Variants in CDK12 observed in about 807,000 individuals in gnomAD.
CDK12 encodes the protein cyclin dependent kinase 12.
Under a neutral mutation model 133.8 loss-of-function variants are expected in CDK12, and 17 were observed. The ratio of observed to expected loss-of-function variants is 0.13; its 90% CI spans 0.09 to 0.19. The LOEUF (loss-of-function observed/expected upper bound fraction) is 0.19. Among genes scored for constraint, CDK12 ranks in the 10% least tolerant of loss-of-function variants. The pLI, the probability that CDK12 is intolerant of heterozygous loss-of-function variation, is 1.00. For synonymous variants in CDK12, 694 were observed against 683.6 expected (o/e 1.02, Z -0.24); for missense variants, 1,508 against 1,818.7 (o/e 0.83, Z 3.11).
intron 13 of CDK12, among the ~76,000 whole-genome samples, chr17:39,528,499 A>AT (rs1236842686): frequency 6.7e-6 from 1 of 149,634 alleles, no homozygotes; most frequent in Non-Finnish European, 1.5e-5. Context: ...GGCCCGGCTA[A>AT]TTTTTTTGTA....
chr17:39,515,957 T>C (rs1256043071), intron 9 of CDK12, 149 bp downstream of exon 9: 1 of 533,264 alleles, frequency 1.9e-6, no homozygotes, highest in African/African-American at 1.9e-5. Context: ...CCATATATTT[T>C]GTCATAGGCT....
chr17:39,545,496 C>CT (rs34616390), upstream of CDK12, among the ~76,000 whole-genome samples: 4,699 of 103,580 alleles, frequency 0.045, 354 homozygotes, highest in African/African-American at 0.12. Context: ...CCCCAAAAAG[C>CT]TTTTTTTTTT....
downstream of CDK12, among the ~76,000 whole-genome samples, chr17:39,566,495 C>T (rs778027416): frequency 6.6e-6 from 1 of 152,102 alleles, no homozygotes; most frequent in South Asian, 2.1e-4. Flanking sequence ...CGACACCCCA[C>T]CCTGACCCTC....
At chr17:39,486,465 C>G (rs1351125708) in intron 2 of CDK12, among the ~76,000 whole-genome samples, 2 of 151,762 alleles carry the variant, frequency 1.3e-5, no homozygotes, top group East Asian at 3.9e-4. Flanking sequence ...TAAGGTCTCA[C>G]TATGTTGCTC....
In CDK12 at chr17:39,510,494, T is replaced by G. The variant is rs1370225857; in HGVS notation, c.2666+733T>G. Among the ~76,000 whole-genome samples the G allele has an allele frequency of 2.6e-5, 4 of 152,168 alleles. No homozygotes were observed. The East Asian group carries it at 5.8e-4, about 22-fold the overall frequency. Reference sequence around the variant, plus strand: ...CAACTGTCAGAGTTCCCTAATTATCTGAAAGCGTTATCACTTACATTTTAG... The same window carrying G: ...CAACTGTCAGAGTTCCCTAATTATCGGAAAGCGTTATCACTTACATTTTAG... On this transcript the variant is annotated intron_variant, in intron 7 of 13. Transcript: ENST00000447079.
rs1359178135 is a variant in CDK12, at chr17:39,515,156, G to A, written c.2769-575G>A. Among the ~76,000 whole-genome samples, 82 of 152,176 alleles carry A rather than the reference G, an allele frequency of 5.4e-4. 2 individuals are homozygous for A. The highest frequency in any genetic ancestry group is 5.4e-3 in the Admixed American group (82 of 15,266). On this transcript the variant is annotated intron_variant, in intron 8 of 13. Transcript: ENST00000447079. ...GAACCTGGGAGGCAAAGGTTGCAGT[G>A]AGTGGAGATAGCACCACTGCACTCC... is the stretch of plus-strand genomic sequence containing the variant.
At chr17:39,475,297 A>AC (rs748341889) in intron 2 of CDK12, among the ~76,000 whole-genome samples, 234 of 151,976 alleles carry the variant, frequency 1.5e-3, no homozygotes, top group Non-Finnish European at 2.5e-3. Flanking sequence ...ACATAGTGAG[A>AC]CCCCATCTCT....
At chr17:39,473,901 A>T (rs898874187) in intron 2 of CDK12, among the ~76,000 whole-genome samples, 2 of 151,684 alleles carry the variant, frequency 1.3e-5, no homozygotes, top group African/African-American at 4.8e-5. Flanking sequence ...AAAAAAAGAA[A>T]GAAAAATTAG....
intron 2 of CDK12, among the ~76,000 whole-genome samples, chr17:39,483,799 C>A (rs778390160): frequency 2.0e-5 from 3 of 151,308 alleles, no homozygotes; most frequent in Non-Finnish European, 4.4e-5. Flanking sequence ...AGAGTACAGG[C>A]GTGAGCCACC....
chr17:39,482,599 A>ATTGTTTTTTTTT (rs2050800881), intron 2 of CDK12, among the ~76,000 whole-genome samples: 1 of 74,392 alleles, frequency 1.3e-5, no homozygotes, highest in Non-Finnish European at 2.6e-5. Flanking sequence ...AATCAACTAC[A>ATTGTTTTTTTTT]TTTTTTTTTT....
At chr17:39,472,921 A>T (rs933617132) in intron 2 of CDK12, among the ~76,000 whole-genome samples, 1 of 150,886 alleles carries the variant, frequency 6.6e-6, no homozygotes, top group African/African-American at 2.4e-5. Flanking sequence ...CTAAAGATTT[A>T]AAAAATTAGC....
intron 1 of CDK12, among the ~76,000 whole-genome samples, chr17:39,541,300 A>G (rs567539629): frequency 6.6e-6 from 1 of 151,508 alleles, no homozygotes; most frequent in South Asian, 2.1e-4. Flanking sequence ...ATCAAAATTC[A>G]GGGTTAGAGT....
chr17:39,513,286 C>T (rs900474938), intron 8 of CDK12, among the ~76,000 whole-genome samples: 6 of 152,142 alleles, frequency 3.9e-5, no homozygotes, highest in African/African-American at 1.4e-4. Context: ...ATATACTTCC[C>T]AGTGGAGCAA....
Position 39,486,459 on chromosome 17 carries a change from G to A in CDK12, c.1932-4098G>A, listed in dbSNP as rs528367409. The stretch of plus-strand genomic sequence containing the variant: ...TTTGTTTATTTTTTTTAGAGATAAG[G>A]TCTCACTATGTTGCTCAGGCTGGTC... On this transcript the variant is annotated intron_variant, in intron 2 of 13. Coordinates refer to ENST00000447079, the MANE Select transcript of CDK12 (RefSeq NM_016507.4). Among the ~76,000 whole-genome samples, 25 of 151,672 alleles carry A rather than the reference G, an allele frequency of 1.6e-4. No individual in the cohort carries two copies. The South Asian group carries it at 5.2e-3, about 32-fold the overall frequency.
rs756478275 is a variant in CDK12 at position 39,462,867 on chromosome 17, C to T, written c.796C>T (p.Pro266Ser). Residue 266 changes from proline (P) to serine (S), a missense_variant, in exon 1 of 14, where the codon CCT (proline) becomes TCT (serine). Pro to Ser is a moderately conservative substitution (Grantham distance 74). This residue lies in a region of CDK12 where 460 missense variants were observed against 490.8 expected (regional missense o/e 0.94). Coordinates refer to ENST00000447079, the MANE Select transcript of CDK12 (RefSeq NM_016507.4). Reference sequence around the variant, plus strand: ...CAATTATGACTCCTACAAGAAAAGTCCTGGAAGTACCTCGAGAAGGCAGTC... The same window carrying T: ...CAATTATGACTCCTACAAGAAAAGTTCTGGAAGTACCTCGAGAAGGCAGTC... ...SSNYDSYKKS[P>S]GSTSRRQSVS... 1.2e-6 allele frequency: 2 copies of T among 1,614,156 alleles called. No individual in the cohort carries two copies. The highest frequency in any genetic ancestry group is 1.3e-5 in the African/African-American group (1 of 75,058).
At chr17:39,499,941 T>A (rs2052603156) in intron 5 of CDK12, among the ~76,000 whole-genome samples, 1 of 152,196 alleles carries the variant, frequency 6.6e-6, no homozygotes, top group East Asian at 1.9e-4. Context: ...ATGGGCATGG[T>A]TGTGTTACAA....
intron 3 of CDK12, among the ~76,000 whole-genome samples, chr17:39,561,048 A>T (rs2056356367): frequency 2.0e-5 from 3 of 152,108 alleles, no homozygotes; most frequent in Admixed American, 1.3e-4. Flanking sequence ...AGTGTCATGG[A>T]TCAGGGGACC....
chr17:39,561,740 C>A (rs1261420359), intron 3 of CDK12, among the ~76,000 whole-genome samples: 3 of 152,240 alleles, frequency 2.0e-5, no homozygotes, highest in Admixed American at 6.5e-5. Flanking sequence ...CCTATTCCAG[C>A]AGCTGTGGAC....
chr17:39,544,150 A>C (rs2055557320), upstream of CDK12: 2 of 470,120 alleles, frequency 4.3e-6, no homozygotes, highest in South Asian at 3.1e-5. Context: ...CGTCACTGTT[A>C]CCTACCAATG....
Sources: gnomAD v4.1 joint callset for allele counts (sites outside exome capture counted in the v4.1 genomes callset) on GRCh38, gnomAD v4.1.1 for gene constraint, gnomAD v4.1.1 regional missense constraint, MANE v1.5 for transcripts, NCBI Gene and HGNC (gene_info 2026-07-23, HGNC 2026-07-21) for gene names.